PTPRN2: variants seen among roughly 807,000 people sequenced by gnomAD.
PTPRN2 encodes the protein protein tyrosine phosphatase receptor type N2, also known as receptor-type tyrosine-protein phosphatase N2.
A neutral mutation model predicts 118.8 loss-of-function variants in PTPRN2; 74 were observed. The ratio of observed to expected loss-of-function variants is 0.62; its 90% CI spans 0.52 to 0.76. The LOEUF (loss-of-function observed/expected upper bound fraction) is 0.76. PTPRN2 is among the 30% of genes least tolerant of loss of function. The pLI, the probability that PTPRN2 is intolerant of heterozygous loss-of-function variation, is 0.00. For missense variants in PTPRN2, 1,481 were observed against 1,394.4 expected, an observed-to-expected ratio of 1.06 and a Z score of -0.99; for synonymous variants, 641 against 608.0, an observed-to-expected ratio of 1.05 and a Z score of -0.80.
intron 11 of PTPRN2, among the ~76,000 whole-genome samples, chr7:157,936,469 G>A (rs535064132): frequency 1.3e-5 from 2 of 152,278 alleles, no homozygotes; most frequent in South Asian, 2.1e-4. Context: ...TCTCTTCCAC[G>A]GAGGCACCTC....
chr7:158,294,074 G>C (rs1800300019), intron 3 of PTPRN2, among the ~76,000 whole-genome samples: 1 of 152,226 alleles, frequency 6.6e-6, no homozygotes, highest in South Asian at 2.1e-4. Context: ...ACAAGTGGGA[G>C]TGCAGTTGGC....
rs980560787 is a variant in PTPRN2 at position 157,587,937 on chromosome 7, G to A, written c.2496+7301C>T. Among the ~76,000 whole-genome samples the A allele has an allele frequency of 5.3e-5, 8 of 150,108 alleles. No homozygotes were observed. The highest frequency in any genetic ancestry group is 6.6e-5 in the Admixed American group (1 of 15,108). On this transcript the variant is annotated intron_variant, in intron 17 of 22. Transcript: ENST00000389418. The surrounding 1 kb of genome is among the most constrained non-coding windows in gnomAD (Gnocchi z 5.3). ...CTGGGCTCCCGCGGTGGCTGTCCCC[G>A]TGCCTGGGCTCCCGCGGTGGCTGTC... is the stretch of plus-strand genomic sequence containing the variant.
intron 12 of PTPRN2, among the ~76,000 whole-genome samples, chr7:157,731,426 G>A (rs548398216): frequency 3.6e-4 from 54 of 151,710 alleles, no homozygotes; most frequent in African/African-American, 1.3e-3. Context: ...AAGTCCAGAG[G>A]TCTCCCTGGG....
intron 12 of PTPRN2, among the ~76,000 whole-genome samples, chr7:157,841,067 C>T (rs1272468254): frequency 1.3e-5 from 2 of 152,250 alleles, no homozygotes; most frequent in African/African-American, 4.8e-5. Flanking sequence ...CCAGCCGTGT[C>T]CGCCCTGCAC....
intron 3 of PTPRN2, among the ~76,000 whole-genome samples, chr7:158,270,963 TCCACCTGGACCACCC>T (rs1798429820): frequency 2.9e-4 from 1 of 3,494 alleles, no homozygotes; most frequent in Non-Finnish European, 4.7e-4. Flanking sequence ...GGACCACCCC[TCCACCTGGACCACCC>T]CCTCCACCTG....
intron 19 of PTPRN2, among the ~76,000 whole-genome samples, chr7:157,572,272 A>G (rs1277656298): frequency 1.3e-5 from 2 of 152,226 alleles, no homozygotes; most frequent in Non-Finnish European, 2.9e-5. Flanking sequence ...CTATTTCTGA[A>G]TAAGTAAAAT....
At chr7:158,539,906 G>A in intron 1 of PTPRN2, 1 of 219,580 alleles carries the variant, frequency 4.6e-6, no homozygotes, top group Non-Finnish European at 9.2e-6. Context: ...GCTGGTGACA[G>A]CTGGGGACAT....
chr7:158,104,969 T>C (rs1036858711), intron 10 of PTPRN2, among the ~76,000 whole-genome samples: 32 of 131,454 alleles, frequency 2.4e-4, no homozygotes, highest in African/African-American at 9.5e-4. Flanking sequence ...CCAAACTCCA[T>C]CAGAACTCCA....
At chr7:158,230,497 T>C (rs1404828617) in intron 3 of PTPRN2, among the ~76,000 whole-genome samples, 5 of 152,106 alleles carry the variant, frequency 3.3e-5, no homozygotes, top group African/African-American at 1.2e-4. Context: ...ATTGAGACAA[T>C]AGGAAGTCAA....
At chr7:157,570,278 T>C (rs566423588) in intron 20 of PTPRN2, among the ~76,000 whole-genome samples, 20 of 151,760 alleles carry the variant, frequency 1.3e-4, no homozygotes, top group South Asian at 1.0e-3. Flanking sequence ...TTTTAAGATA[T>C]ACTTCAAAAA....
chr7:158,582,069 C>T (rs750005867), intron 1 of PTPRN2, among the ~76,000 whole-genome samples: 2 of 152,188 alleles, frequency 1.3e-5, no homozygotes, highest in Non-Finnish European at 2.9e-5. Flanking sequence ...CTTCCTTCAA[C>T]ACACTGTTTC....
At chr7:158,576,134 T>C (rs1828305881) in intron 1 of PTPRN2, among the ~76,000 whole-genome samples, 1 of 152,080 alleles carries the variant, frequency 6.6e-6, no homozygotes, top group Non-Finnish European at 1.5e-5. Flanking sequence ...AAGCAGGAAC[T>C]CCCAGGCCTG....
chr7:157,856,910 C>T (rs1809748187), intron 12 of PTPRN2, among the ~76,000 whole-genome samples: 2 of 152,190 alleles, frequency 1.3e-5, no homozygotes, highest in South Asian at 4.1e-4. Context: ...ATTCACCCAA[C>T]TGTGTAGCAG....
intron 11 of PTPRN2, among the ~76,000 whole-genome samples, chr7:158,058,810 G>T (rs866421730): frequency 4.4e-4 from 21 of 48,082 alleles, no homozygotes; most frequent in East Asian, 3.6e-3. Flanking sequence ...ACACAGTGAC[G>T]CATCACTGCA....
At chr7:157,577,975 T>C in intron 18 of PTPRN2, 46 bp downstream of exon 18, 1 of 1,527,964 alleles carries the variant, frequency 6.5e-7, no homozygotes, top group Non-Finnish European at 8.9e-7. Flanking sequence ...GGGCCCGTCC[T>C]CGTCCGGCTG....
chr7:158,217,785 T>A (rs1474714172), intron 3 of PTPRN2, among the ~76,000 whole-genome samples: 2 of 152,150 alleles, frequency 1.3e-5, no homozygotes, highest in Non-Finnish European at 2.9e-5. Flanking sequence ...AATATAAGAA[T>A]TTCATAATAA....
chr7:158,445,159 G>A (rs544650573), intron 2 of PTPRN2, among the ~76,000 whole-genome samples: 97 of 152,322 alleles, frequency 6.4e-4, no homozygotes, highest in African/African-American at 2.1e-3. Flanking sequence ...TCCAGAGGGG[G>A]CAGGCCCTGG....
chr7:157,787,484 C>T lies in PTPRN2; in HGVS notation c.1789-104547G>A, dbSNP rs1439934859. 1.2e-4 allele frequency among the ~76,000 whole-genome samples: 18 copies of T among 151,990 alleles called. No individual in the cohort carries two copies. The highest frequency in any genetic ancestry group is 7.9e-4 in the Admixed American group (12 of 15,264). The stretch of plus-strand genomic sequence containing the variant: ...GCCTGGGTCACCCCAGTGGGCAGGG[C>T]GGGCAGGGGGCTTCCCCACAGTCTA... On this transcript the variant is annotated intron_variant, in intron 12 of 22. Transcript: ENST00000389418. The surrounding 1 kb of genome is among the most constrained non-coding windows in gnomAD (Gnocchi z 5.3).
intron 11 of PTPRN2, among the ~76,000 whole-genome samples, chr7:157,971,395 T>A (rs1199674910): frequency 6.6e-6 from 1 of 152,194 alleles, no homozygotes; most frequent in African/African-American, 2.4e-5. Flanking sequence ...TAGACACACC[T>A]CAGGACAGAG....
Sources: allele counts gnomAD v4.1 joint callset (sites outside exome capture counted in the v4.1 genomes callset), GRCh38; gene constraint gnomAD v4.1.1; non-coding constraint Gnocchi (gnomAD v3.1); transcripts MANE v1.5; gene names NCBI Gene and HGNC (gene_info 2026-07-23, HGNC 2026-07-21).